Variants in EPB41L4A observed in about 807,000 individuals in gnomAD.
The protein encoded by EPB41L4A is erythrocyte membrane protein band 4.1 like 4A, also known as band 4.1-like protein 4A.
A neutral mutation model predicts 108.6 loss-of-function variants in EPB41L4A; 100 were observed. The observed-to-expected ratio is 0.92, with a 90% CI of 0.78 to 1.09. The LOEUF (loss-of-function observed/expected upper bound fraction) is 1.09, where lower values mean the gene tolerates loss of function less well. Among genes scored for constraint, EPB41L4A ranks in the 50% least tolerant of loss-of-function variants. The pLI is 0.00. For missense variants in EPB41L4A, 1,030 were observed against 842.7 expected (o/e 1.22, Z -2.75); for synonymous variants, 319 against 289.0 (o/e 1.10, Z -1.05).
At chr5:112,285,795 A>G (rs1279484460) in intron 2 of EPB41L4A, among the ~76,000 whole-genome samples, 2 of 152,156 alleles carry the variant, frequency 1.3e-5, no homozygotes, top group Admixed American at 6.5e-5. Flanking sequence ...AACAGCTAGC[A>G]TTTATTAAAT....
At chr5:112,237,985 A>G (rs1749474735) in intron 11 of EPB41L4A, among the ~76,000 whole-genome samples, 2 of 152,226 alleles carry the variant, frequency 1.3e-5, no homozygotes, top group Admixed American at 6.5e-5. Flanking sequence ...GCAAAATCCA[A>G]TAACTTCCTA....
In EPB41L4A at chr5:112,326,616, T is replaced by G. The variant is rs138338867; in HGVS notation, c.100-19126A>C. Among the ~76,000 whole-genome samples, 52 of 152,348 alleles carry G rather than the reference T, an allele frequency of 3.4e-4. No individual in the cohort carries two copies. The East Asian group carries it at 0.01, about 29-fold the overall frequency. On this transcript the variant is annotated intron_variant, in intron 1 of 22. Transcript: ENST00000261486. ...GCTGTGTCTTGTTCCAGTGCGCTGC[T>G]ATTTCATTTACCATTGCTTACTTCG... is the stretch of plus-strand genomic sequence containing the variant.
At chr5:112,160,848 T>C (rs1759843271), downstream of EPB41L4A, 1 of 156,162 alleles carries the variant, frequency 6.4e-6, no homozygotes, top group Non-Finnish European at 1.5e-5. Flanking sequence ...AAAAGCATTG[T>C]GGGACGGAAG....
intron 12 of EPB41L4A, among the ~76,000 whole-genome samples, chr5:112,217,476 G>C (rs964460731): frequency 6.6e-6 from 1 of 152,116 alleles, no homozygotes; most frequent in Admixed American, 6.5e-5. Flanking sequence ...ATGCAGGAGG[G>C]TCGCTTGAGG....
intron 1 of EPB41L4A, among the ~76,000 whole-genome samples, chr5:112,335,593 T>C (rs1164502875): frequency 1.3e-5 from 2 of 152,184 alleles, no homozygotes; most frequent in Admixed American, 1.3e-4. Context: ...TTTCTGGGCA[T>C]GAACCTGACC....
chr5:112,200,981 T>G (rs552434339), intron 15 of EPB41L4A, among the ~76,000 whole-genome samples: 37 of 152,188 alleles, frequency 2.4e-4, no homozygotes, highest in Non-Finnish European at 4.6e-4. Context: ...TTATTAAATT[T>G]AAGTCCTTGA....
chr5:112,221,468 T>A (rs1268193487), intron 12 of EPB41L4A, among the ~76,000 whole-genome samples: 1 of 152,250 alleles, frequency 6.6e-6, no homozygotes, highest in African/African-American at 2.4e-5. Context: ...ATTAAACTAC[T>A]TTGGGCCACA....
intron 9 of EPB41L4A, among the ~76,000 whole-genome samples, chr5:112,243,055 A>G: frequency 6.6e-6 from 1 of 151,962 alleles, no homozygotes; most frequent in East Asian, 1.9e-4. Flanking sequence ...CTCTACTAAA[A>G]ATACAGAAAT....
At chr5:112,266,423 C>A in intron 4 of EPB41L4A, 93 bp from the exon 5 acceptor site, 2 of 796,052 alleles carry the variant, frequency 2.5e-6, no homozygotes, top group South Asian at 4.0e-5. Context: ...CAACCAATCA[C>A]CTTCAATTAA....
intron 1 of EPB41L4A, among the ~76,000 whole-genome samples, chr5:112,353,666 C>G (rs1758192459): frequency 6.6e-6 from 1 of 152,120 alleles, no homozygotes; most frequent in African/African-American, 2.4e-5. Flanking sequence ...ACAGAGAGGT[C>G]TGTTTCAGGT....
chr5:112,242,392 T>C (rs137869010), intron 9 of EPB41L4A, among the ~76,000 whole-genome samples: 107 of 152,374 alleles, frequency 7.0e-4, no homozygotes, highest in African/African-American at 2.5e-3. Context: ...CAACTCCTTA[T>C]TCCTTCAAGT....
At chr5:112,234,600 G>T (rs1206096081) in intron 12 of EPB41L4A, 34 bp downstream of exon 12, 2 of 1,606,430 alleles carry the variant, frequency 1.2e-6, no homozygotes, top group African/African-American at 1.3e-5. Context: ...GGAAAACAAG[G>T]TTACATAGAT....
At chr5:112,389,851 G>C (rs73214255) in intron 1 of EPB41L4A, among the ~76,000 whole-genome samples, 3,518 of 152,192 alleles carry the variant, frequency 0.023, 147 homozygotes, top group African/African-American at 0.081. Context: ...GCTAGAATTA[G>C]GAGATGTTAC....
At chr5:112,416,114 A>T (rs1762708352) in intron 1 of EPB41L4A, among the ~76,000 whole-genome samples, 1 of 151,872 alleles carries the variant, frequency 6.6e-6, no homozygotes, top group Non-Finnish European at 1.5e-5. Flanking sequence ...TTTCATGATG[A>T]CACATTAATT....
chr5:112,397,656 A>G (rs1230420087), intron 1 of EPB41L4A, among the ~76,000 whole-genome samples: 1 of 152,238 alleles, frequency 6.6e-6, no homozygotes, highest in African/African-American at 2.4e-5. Flanking sequence ...TTCTTTGTCA[A>G]TTTGACCAGG....
intron 1 of EPB41L4A, among the ~76,000 whole-genome samples, chr5:112,391,970 A>C (rs2112677252): frequency 6.6e-6 from 1 of 152,312 alleles, no homozygotes; most frequent in Middle Eastern, 3.4e-3. Flanking sequence ...ATATACAGCC[A>C]AACTAAACTT....
At chr5:112,165,234 GT>G in intron 22 of EPB41L4A, 116 bp from the exon 23 acceptor site, 1 of 745,158 alleles carries the variant, frequency 1.3e-6, no homozygotes. Context: ...TAATTCAAAA[GT>G]TTCATAATAC....
chr5:112,393,643 G>C (rs9798358), intron 1 of EPB41L4A, among the ~76,000 whole-genome samples: 54 of 152,130 alleles, frequency 3.5e-4, no homozygotes, highest in African/African-American at 1.2e-3. Flanking sequence ...GGATTCACAG[G>C]TGAATTTTAC....
downstream of EPB41L4A, among the ~76,000 whole-genome samples, chr5:112,160,186 A>T (rs1759804519): frequency 6.6e-6 from 1 of 152,146 alleles, no homozygotes; most frequent in African/African-American, 2.4e-5. Context: ...CTGGGATTAC[A>T]GGCATGAGCC....
Sources: gnomAD v4.1 joint callset for allele counts (sites outside exome capture counted in the v4.1 genomes callset) on GRCh38, gnomAD v4.1.1 for gene constraint, MANE v1.5 for transcripts, NCBI Gene and HGNC (gene_info 2026-07-23, HGNC 2026-07-21) for gene names.